Variants in ASAP2 observed in about 807,000 individuals in gnomAD.
ASAP2 encodes the protein arf-GAP with SH3 domain, ANK repeat and PH domain-containing protein 2.
ASAP2 carries 45 observed loss-of-function variants against 131.4 expected under a neutral mutation model. That is an observed-to-expected ratio of 0.34 (90% CI 0.27 to 0.44). The LOEUF (loss-of-function observed/expected upper bound fraction) is 0.44. Among genes scored for constraint, ASAP2 ranks in the 20% least tolerant of loss-of-function variants. The pLI is 1.00. For synonymous variants in ASAP2, 510 were observed against 503.0 expected (o/e 1.01, Z -0.19); for missense variants, 1,011 against 1,297.0 (o/e 0.78, Z 3.39).
intron 14 of ASAP2, among the ~76,000 whole-genome samples, chr2:9,357,093 ACACAACC>A (rs1672758969): frequency 6.6e-6 from 1 of 151,882 alleles, no homozygotes; most frequent in African/African-American, 2.4e-5. Flanking sequence ...AAAAAACCAA[ACACAACC>A]AAAATAAGAG....
Position 9,211,095 on chromosome 2 carries a change from C to T in ASAP2, c.126+3865C>T, listed in dbSNP as rs536848427. Among the ~76,000 whole-genome samples the T allele has an allele frequency of 7.3e-5, 11 of 150,828 alleles. No homozygotes were observed. In the South Asian group the frequency reaches 8.4e-4, roughly 11 times the overall value. ...ACTTGAACCCAAGAGGTAGAGGTTG[C>T]GGTGAGTCGAGATCGTGCCATTGCA... On this transcript the variant is annotated intron_variant, in intron 1 of 27. Coordinates refer to ENST00000281419, the MANE Select transcript of ASAP2 (RefSeq NM_003887.3).
intron 1 of ASAP2, among the ~76,000 whole-genome samples, chr2:9,208,410 G>GTT (rs1558234532): frequency 5.5e-5 from 8 of 145,344 alleles, no homozygotes; most frequent in African/African-American, 2.1e-4. Context: ...TTTTTTTTCT[G>GTT]GTTTTTTTTT....
At chr2:9,399,924 C>T (rs1329932443) in intron 24 of ASAP2, 99 bp from the exon 25 acceptor site, 2 of 1,262,956 alleles carry the variant, frequency 1.6e-6, no homozygotes, top group Non-Finnish European at 2.3e-6. Context: ...ACCTCACACA[C>T]TCTGAGCTTG....
At chr2:9,327,052 C>CAAATTGT (rs1670525512) in intron 6 of ASAP2, among the ~76,000 whole-genome samples, 1 of 152,194 alleles carries the variant, frequency 6.6e-6, no homozygotes, top group African/African-American at 2.4e-5. Flanking sequence ...TTGTAGCTTA[C>CAAATTGT]AGTTTCACAG....
intron 1 of ASAP2, among the ~76,000 whole-genome samples, chr2:9,247,460 C>T (rs973641152): frequency 6.6e-6 from 1 of 152,230 alleles, no homozygotes; most frequent in Non-Finnish European, 1.5e-5. Context: ...ACCTCATGCG[C>T]TGCTTTCGGT....
intron 1 of ASAP2, among the ~76,000 whole-genome samples, chr2:9,223,547 G>T (rs1056582572): frequency 2.6e-5 from 4 of 152,134 alleles, no homozygotes; most frequent in African/African-American, 9.7e-5. Context: ...TCAGAAATTT[G>T]TTAATTTTTT....
At chr2:9,272,945 C>T (rs78014232) in intron 1 of ASAP2, among the ~76,000 whole-genome samples, 4 of 152,182 alleles carry the variant, frequency 2.6e-5, no homozygotes, top group African/African-American at 9.6e-5. Flanking sequence ...GTTTTGGCTA[C>T]TATAGCTCTA....
intron 1 of ASAP2, among the ~76,000 whole-genome samples, chr2:9,276,895 A>AGGTG (rs1666796260): frequency 6.6e-6 from 1 of 152,264 alleles, no homozygotes; most frequent in East Asian, 1.9e-4. Context: ...GGCCCATGGA[A>AGGTG]GGTGCTTAGT....
intron 1 of ASAP2, among the ~76,000 whole-genome samples, chr2:9,211,260 A>T (rs1348316231): frequency 6.6e-6 from 1 of 152,100 alleles, no homozygotes; most frequent in Non-Finnish European, 1.5e-5. Context: ...ATCATTTTGT[A>T]CAATTTTAGC....
chr2:9,243,897 C>A (rs1000790059), intron 1 of ASAP2, among the ~76,000 whole-genome samples: 2 of 152,074 alleles, frequency 1.3e-5, no homozygotes, highest in African/African-American at 4.8e-5. Flanking sequence ...TTGTTCCCTC[C>A]CCAGAATAAA....
At chr2:9,373,861 T>C (rs1163967279) in intron 16 of ASAP2, among the ~76,000 whole-genome samples, 2 of 152,204 alleles carry the variant, frequency 1.3e-5, no homozygotes, top group Non-Finnish European at 2.9e-5. Flanking sequence ...GTAAAATGCA[T>C]GTACTCTGTG....
chr2:9,252,165 C>T (rs115534094), intron 1 of ASAP2, among the ~76,000 whole-genome samples: 1 of 152,150 alleles, frequency 6.6e-6, no homozygotes, highest in African/African-American at 2.4e-5. Context: ...GGAGGGCAGG[C>T]GTGCCTGACA....
chr2:9,378,265 T>C, intron 18 of ASAP2, among the ~76,000 whole-genome samples: 1 of 152,164 alleles, frequency 6.6e-6, no homozygotes, highest in East Asian at 1.9e-4. Flanking sequence ...ACAGTGGCCA[T>C]GTTTGCTAGG....
At chr2:9,377,873 A>G (rs932233017) in intron 18 of ASAP2, among the ~76,000 whole-genome samples, 5 of 151,918 alleles carry the variant, frequency 3.3e-5, no homozygotes, top group Admixed American at 1.3e-4. Flanking sequence ...AGTTCACTGG[A>G]CTCGTGGTGG....
chr2:9,331,002 C>T lies in ASAP2; in HGVS notation c.686+3091C>T, dbSNP rs529312935. Among the ~76,000 whole-genome samples, 141 of 152,246 alleles carry T rather than the reference C, an allele frequency of 9.3e-4. 1 individual carries two copies. Among genetic ancestry groups the T allele is most frequent in the Admixed American group, 9.8e-4 (15 of 15,292 alleles). On this transcript the variant is annotated intron_variant, in intron 7 of 27. Coordinates refer to ENST00000281419, the MANE Select transcript of ASAP2 (RefSeq NM_003887.3). ...ATTCTGGAGGGTACAACGTGGAGCT[C>T]GAGCAACTCAGCTGCAGAGTAAGAG...
At chr2:9,356,849 C>T (rs1467160112) in intron 14 of ASAP2, among the ~76,000 whole-genome samples, 1 of 152,166 alleles carries the variant, frequency 6.6e-6, no homozygotes, top group African/African-American at 2.4e-5. Flanking sequence ...TTTCAGCTGA[C>T]ACATTCTGTG....
At position 9,358,788 on chromosome 2, in the gene ASAP2, C is replaced by G; in HGVS notation, c.1360C>G (p.Leu454Val). 6.2e-7 allele frequency: 1 copy of G among 1,613,722 alleles called. No homozygotes were observed. The highest frequency in any genetic ancestry group is 8.5e-7 in the Non-Finnish European group (1 of 1,179,944). ...ATGGCTTTCCACCAACCTGGGCATC[C>G]TGACCTGCATCGAGTGTTCCGGAAT... ...PTWLSTNLGI[L>V]TCIECSGIHR... Residue 454 changes from leucine (L) to valine (V), a missense_variant, in exon 15 of 28, where the codon CTG (leucine) becomes GTG (valine). Leu to Val is a conservative substitution (Grantham distance 32). Coordinates refer to ENST00000281419, the MANE Select transcript of ASAP2 (RefSeq NM_003887.3).
intron 15 of ASAP2, among the ~76,000 whole-genome samples, chr2:9,367,512 G>A (rs934729829): frequency 6.6e-6 from 1 of 152,160 alleles, no homozygotes; most frequent in African/African-American, 2.4e-5. Flanking sequence ...TGTAATCCCA[G>A]CACTTTGGGA....
At chr2:9,354,140 T>A (rs1672532706) in intron 12 of ASAP2, among the ~76,000 whole-genome samples, 1 of 152,122 alleles carries the variant, frequency 6.6e-6, no homozygotes, top group Non-Finnish European at 1.5e-5. Flanking sequence ...ATAGGCACCC[T>A]GGGAGGGATG....
Sources: allele counts gnomAD v4.1 joint callset (sites outside exome capture counted in the v4.1 genomes callset), GRCh38; gene constraint gnomAD v4.1.1; transcripts MANE v1.5; gene names NCBI Gene and HGNC (gene_info 2026-07-23, HGNC 2026-07-21).